The following GFRA1 variants were observed in gnomAD, a reference collection of about 807,000 sequenced individuals.
GFRA1 encodes GDNF family receptor alpha 1.
GFRA1 carries 16 observed loss-of-function variants against 51.6 expected under a neutral mutation model. That is an observed-to-expected ratio of 0.31 (90% CI 0.21 to 0.47). The LOEUF (loss-of-function observed/expected upper bound fraction) is 0.47, where lower values mean the gene tolerates loss of function less well. Ranked by LOEUF, GFRA1 falls within the 20% of genes least tolerant of loss-of-function variation. The probability of loss-of-function intolerance (pLI) is 1.00; values close to 1 mark genes in which losing one functional copy is unlikely to be tolerated. For synonymous variants in GFRA1, 270 were observed against 241.3 expected (o/e 1.12, Z -1.10); for missense variants, 530 against 594.3 (o/e 0.89, Z 1.13).
intron 7 of GFRA1, among the ~76,000 whole-genome samples, chr10:116,094,173 T>C (rs1457137154): frequency 6.6e-6 from 1 of 152,194 alleles, no homozygotes; most frequent in Non-Finnish European, 1.5e-5. Context: ...CTTGAAAATG[T>C]CATTAATCTT....
intron 4 of GFRA1, among the ~76,000 whole-genome samples, chr10:116,222,712 G>C (rs1337208865): frequency 6.6e-6 from 1 of 152,164 alleles, no homozygotes. Flanking sequence ...AAGAAATCAA[G>C]TTGCAGGATA....
chr10:116,239,939 G>A (rs1413762847), intron 4 of GFRA1, among the ~76,000 whole-genome samples: 2 of 152,102 alleles, frequency 1.3e-5, no homozygotes, highest in Non-Finnish European at 2.9e-5. Flanking sequence ...TACACCAGTG[G>A]AGGTTCATCA....
chr10:116,252,798 C>G (rs1968497010), intron 4 of GFRA1, among the ~76,000 whole-genome samples: 1 of 152,150 alleles, frequency 6.6e-6, no homozygotes, highest in Non-Finnish European at 1.5e-5. Flanking sequence ...AGATCCAGTC[C>G]TTACAATGAC....
intron 3 of GFRA1, among the ~76,000 whole-genome samples, chr10:116,270,253 T>G (rs528496438): frequency 6.6e-6 from 1 of 152,334 alleles, no homozygotes; most frequent in East Asian, 1.9e-4. Context: ...TAACCAAGGT[T>G]GAACCACACC....
chr10:116,241,851 G>A (rs1967408530), intron 4 of GFRA1, among the ~76,000 whole-genome samples: 1 of 152,112 alleles, frequency 6.6e-6, no homozygotes, highest in Non-Finnish European at 1.5e-5. Flanking sequence ...TTGCTACCCA[G>A]CCATTCTTAC....
chr10:116,174,189 A>G (rs1422384891), intron 5 of GFRA1, among the ~76,000 whole-genome samples: 2 of 152,208 alleles, frequency 1.3e-5, no homozygotes, highest in African/African-American at 4.8e-5. Context: ...CAAGCCTACA[A>G]AAAGTGATTG....
chr10:116,142,911 T>C (rs1958632647), intron 5 of GFRA1, among the ~76,000 whole-genome samples: 1 of 152,200 alleles, frequency 6.6e-6, no homozygotes, highest in Non-Finnish European at 1.5e-5. Flanking sequence ...TGGCCTTATT[T>C]TTCCACTGCA....
Position 116,138,993 on chromosome 10 carries a change from C to A in GFRA1, c.434-13436G>T, listed in dbSNP as rs78085359. On this transcript the variant is annotated intron_variant, in intron 5 of 10. Transcript: ENST00000355422. Reference sequence around the variant, plus strand: ...CATTGCATCTCTGCAGCTTAATCTGCCACTCTGTCTCCCACAGGAATTGCG... The same window carrying A: ...CATTGCATCTCTGCAGCTTAATCTGACACTCTGTCTCCCACAGGAATTGCG... Among the ~76,000 whole-genome samples the A allele has an allele frequency of 2.5e-3, 383 of 152,300 alleles. 2 individuals carry two copies. Among genetic ancestry groups the A allele is most frequent in the African/African-American group, 8.9e-3 (368 of 41,566 alleles).
At chr10:116,194,644 A>AT (rs11372597) in intron 5 of GFRA1, among the ~76,000 whole-genome samples, 9,110 of 150,570 alleles carry the variant, frequency 0.061, 314 homozygotes, top group East Asian at 0.12. Context: ...AGCAACTTTA[A>AT]TTTTTTTTTT....
intron 6 of GFRA1, among the ~76,000 whole-genome samples, chr10:116,097,296 G>A (rs1956638952): frequency 6.6e-6 from 1 of 152,204 alleles, no homozygotes; most frequent in Admixed American, 6.5e-5. Context: ...CAGGGGTAGT[G>A]ATTTATTCCA....
chr10:116,267,076 G>A (rs982227263), intron 4 of GFRA1, among the ~76,000 whole-genome samples: 1 of 152,056 alleles, frequency 6.6e-6, no homozygotes, highest in Non-Finnish European at 1.5e-5. Flanking sequence ...AGGAGTTTGG[G>A]GCAACAGTGA....
chr10:116,067,869 C>T (rs1202183726), intron 9 of GFRA1, among the ~76,000 whole-genome samples: 1 of 152,186 alleles, frequency 6.6e-6, no homozygotes, highest in Non-Finnish European at 1.5e-5. Context: ...GGCATAACTT[C>T]AATTTCACAG....
intron 4 of GFRA1, 21 bp downstream of exon 4, chr10:116,269,482 T>A: frequency 7.3e-7 from 1 of 1,363,126 alleles, no homozygotes; most frequent in Non-Finnish European, 1.1e-6. Flanking sequence ...GGCATCAGCA[T>A]GGAAGTATAA....
intron 6 of GFRA1, among the ~76,000 whole-genome samples, chr10:116,107,600 A>C (rs1957053759): frequency 6.6e-6 from 1 of 152,202 alleles, no homozygotes. Context: ...CATACTCCCT[A>C]AACAGGTCTA....
intron 4 of GFRA1, among the ~76,000 whole-genome samples, chr10:116,219,556 A>G (rs1565659315): frequency 6.6e-6 from 1 of 152,236 alleles, no homozygotes; most frequent in Non-Finnish European, 1.5e-5. Flanking sequence ...AGCCGCATAC[A>G]TGACCTTCTC....
At chr10:116,163,984 A>G (rs577865557) in intron 5 of GFRA1, among the ~76,000 whole-genome samples, 17 of 152,222 alleles carry the variant, frequency 1.1e-4, no homozygotes, top group African/African-American at 4.1e-4. Context: ...GTCCCATCGA[A>G]CCCCTTGGTG....
At chr10:116,274,220 G>A (rs889259880), upstream of GFRA1, among the ~76,000 whole-genome samples, 3 of 124,384 alleles carry the variant, frequency 2.4e-5, no homozygotes, top group African/African-American at 6.0e-5. Context: ...GGGCGCCCGG[G>A]GCACCGAAGT....
chr10:116,175,330 C>T (rs573106666), intron 5 of GFRA1, among the ~76,000 whole-genome samples: 42 of 152,254 alleles, frequency 2.8e-4, no homozygotes, highest in African/African-American at 9.9e-4. Context: ...AAATATGTGA[C>T]TTCTTAGCTG....
rs1209720742 is a variant in GFRA1 at position 116,064,164 on chromosome 10, C to T, written c.*234G>A. 2.0e-6 allele frequency: 1 copy of T among 499,008 alleles called. No homozygotes were observed. Among genetic ancestry groups the T allele is most frequent in the East Asian group, 3.6e-5 (1 of 27,640 alleles). The allele number at this position is 499,008 out of a possible 1,614,324, so 30.9% of individuals were successfully genotyped here. ...AGTTACAAACTGTCCCTTTAAAATA[C>T]AGCATATCCCAAAGCCTTCTGAGTT... On this transcript the variant is annotated 3_prime_UTR_variant, in exon 11 of 11. Transcript: ENST00000355422.
Sources: allele counts gnomAD v4.1 joint callset (sites outside exome capture counted in the v4.1 genomes callset), GRCh38; gene constraint gnomAD v4.1.1; transcripts MANE v1.5; gene names NCBI Gene and HGNC (gene_info 2026-07-23, HGNC 2026-07-21).